The following PDE7A variants were observed in gnomAD, a reference collection of about 807,000 sequenced individuals.
PDE7A encodes the protein phosphodiesterase 7A, also known as high affinity 3',5'-cyclic-AMP phosphodiesterase 7A.
Under a neutral mutation model 64.3 loss-of-function variants are expected in PDE7A, and 39 were observed. The observed-to-expected ratio is 0.61, with a 90% CI of 0.47 to 0.79. PDE7A has a LOEUF of 0.79. Among genes scored for constraint, PDE7A ranks in the 30% least tolerant of loss-of-function variants. The pLI, the probability that PDE7A is intolerant of heterozygous loss-of-function variation, is 0.00. For synonymous variants in PDE7A, 203 were observed against 206.8 expected, an observed-to-expected ratio of 0.98 and a Z score of 0.16; for missense variants, 470 against 582.8, an observed-to-expected ratio of 0.81 and a Z score of 1.99.
intron 3 of PDE7A, among the ~76,000 whole-genome samples, chr8:65,749,109 G>A (rs75079838): frequency 0.038 from 5,819 of 152,182 alleles, 157 homozygotes; most frequent in Non-Finnish European, 0.055. Context: ...TGAAGAGGCG[G>A]GAAGCACCCG....
At chr8:65,743,334 A>G (rs1807524721) in intron 5 of PDE7A, among the ~76,000 whole-genome samples, 1 of 152,210 alleles carries the variant, frequency 6.6e-6, no homozygotes, top group South Asian at 2.1e-4. Context: ...TGTGTAAATG[A>G]TATCAGAGCC....
intron 6 of PDE7A, among the ~76,000 whole-genome samples, chr8:65,737,047 G>A (rs1027981041): frequency 6.6e-6 from 1 of 151,756 alleles, no homozygotes; most frequent in African/African-American, 2.4e-5. Flanking sequence ...AGTTGAGGTT[G>A]CAGTGAGCCA....
intron 3 of PDE7A, among the ~76,000 whole-genome samples, chr8:65,773,272 C>T (rs1477503236): frequency 6.6e-6 from 1 of 152,022 alleles, no homozygotes; most frequent in African/African-American, 2.4e-5. Flanking sequence ...GCATTTTTCT[C>T]TATTAAAAAA....
At chr8:65,767,247 A>C (rs1184487299) in intron 3 of PDE7A, among the ~76,000 whole-genome samples, 1 of 152,218 alleles carries the variant, frequency 6.6e-6, no homozygotes, top group African/African-American at 2.4e-5. Flanking sequence ...TTACGTAAAT[A>C]AATCATCAAT....
chr8:65,822,184 A>T (rs1217617670), intron 1 of PDE7A, among the ~76,000 whole-genome samples: 1 of 152,206 alleles, frequency 6.6e-6, no homozygotes, highest in African/African-American at 2.4e-5. Context: ...ACCTTTGTAA[A>T]GTCTTTAAGG....
intron 3 of PDE7A, among the ~76,000 whole-genome samples, chr8:65,779,195 G>A (rs1563504151): frequency 6.6e-6 from 1 of 152,144 alleles, no homozygotes; most frequent in Non-Finnish European, 1.5e-5. Flanking sequence ...TCCAGAAACA[G>A]ATTTAATATG....
intron 1 of PDE7A, among the ~76,000 whole-genome samples, chr8:65,822,212 C>T (rs1298620358): frequency 2.0e-5 from 3 of 152,206 alleles, no homozygotes; most frequent in Non-Finnish European, 4.4e-5. Context: ...AACCTGCCCC[C>T]TCATTCTGAC....
chr8:65,730,003 C>T (rs375830662), intron 7 of PDE7A, among the ~76,000 whole-genome samples: 17 of 151,978 alleles, frequency 1.1e-4, no homozygotes, highest in African/African-American at 3.9e-4. Context: ...TGGACCGGTA[C>T]TGGTCCATGG....
rs1295965698 is a variant in PDE7A at position 65,730,171 on chromosome 8, C to CTTCTTTTTTTTTTT, written c.697-2871_697-2870insAAAAAAAAAAAGAA. 2.8e-3 allele frequency among the ~76,000 whole-genome samples: 239 copies of CTTCTTTTTTTTTTT among 86,444 alleles called. 44 individuals carry two copies. The highest frequency in any genetic ancestry group is 9.6e-3 in the African/African-American group (202 of 20,934). The allele number at this position is 86,444 out of a possible 152,430, so 56.7% of individuals were successfully genotyped here. A position where few individuals can be genotyped will look rare whatever the true frequency, so the allele number is the denominator to read the frequency against. ...TGTGAGGGATCCAGGTTGCGCACTT[C>CTTCTTTTTTTTTTT]TTTTTTTTTTTTTTTTTTTTTTTTT... On this transcript the variant is annotated intron_variant, in intron 7 of 12. Transcript: ENST00000401827.
At chr8:65,759,270 G>A (rs1256010334) in intron 3 of PDE7A, among the ~76,000 whole-genome samples, 2 of 152,170 alleles carry the variant, frequency 1.3e-5, no homozygotes, top group African/African-American at 2.4e-5. Context: ...TGGGGGTGAG[G>A]GGCTCAGGAC....
At chr8:65,827,156 T>C (rs1810698417) in intron 1 of PDE7A, among the ~76,000 whole-genome samples, 1 of 152,202 alleles carries the variant, frequency 6.6e-6, no homozygotes, top group Non-Finnish European at 1.5e-5. Flanking sequence ...AACACCACAA[T>C]GCATTGCCTT....
At chr8:65,788,852 G>A in intron 1 of PDE7A, 1 of 1,414,696 alleles carries the variant, frequency 7.1e-7, no homozygotes, top group South Asian at 1.2e-5. Context: ...AATGATGAAT[G>A]TCACCATCCT....
intron 1 of PDE7A, among the ~76,000 whole-genome samples, chr8:65,796,823 A>C (rs1809855873): frequency 6.6e-6 from 1 of 152,214 alleles, no homozygotes; most frequent in African/African-American, 2.4e-5. Flanking sequence ...TGAAAGTCAA[A>C]GCCAATAAAT....
chr8:65,741,620 A>C (rs1193219527), intron 5 of PDE7A, among the ~76,000 whole-genome samples: 1 of 152,252 alleles, frequency 6.6e-6, no homozygotes, highest in African/African-American at 2.4e-5. Flanking sequence ...TAAATGTTAA[A>C]ATGTGTTCAG....
At position 65,793,406 on chromosome 8, in the gene PDE7A, T is replaced by A. The variant is rs1208358637; in HGVS notation, c.139-10563A>T. ...GTCAGTATGCTGAATTTCAAAAATT[T>A]AAAAAAAATTGTCTGCATTTTGATA... On this transcript the variant is annotated intron_variant, in intron 1 of 12. Coordinates refer to ENST00000401827, the MANE Select transcript of PDE7A (RefSeq NM_001242318.3). Among the ~76,000 whole-genome samples the A allele has an allele frequency of 6.0e-5, 9 of 151,162 alleles. No individual in the cohort carries two copies. In the South Asian group the frequency reaches 6.3e-4, roughly 11 times the overall value.
intron 2 of PDE7A, chr8:65,780,890 T>G (rs961190934): frequency 2.0e-5 from 3 of 152,262 alleles, no homozygotes; most frequent in Non-Finnish European, 2.9e-5. Context: ...GCTCACTTCA[T>G]CGACTATAAT....
intron 3 of PDE7A, among the ~76,000 whole-genome samples, chr8:65,759,639 T>A (rs986083084): frequency 2.0e-5 from 3 of 152,182 alleles, no homozygotes; most frequent in Non-Finnish European, 4.4e-5. Context: ...TGGGTAGTTG[T>A]TTCAGTGGAG....
intron 1 of PDE7A, among the ~76,000 whole-genome samples, chr8:65,828,868 A>G (rs77759672): frequency 0.057 from 8,732 of 152,058 alleles, 362 homozygotes; most frequent in Middle Eastern, 0.1. Flanking sequence ...TGCTACATTT[A>G]TATTTCTTCT....
At chr8:65,841,347 T>C (rs757049873) in intron 1 of PDE7A, 24 bp downstream of exon 1, 15 of 1,513,804 alleles carry the variant, frequency 9.9e-6, no homozygotes, top group Non-Finnish European at 8.8e-7. Flanking sequence ...AGCCCTCAAG[T>C]GTGGGCCCGG....
Sources: allele counts gnomAD v4.1 joint callset (sites outside exome capture counted in the v4.1 genomes callset), GRCh38; gene constraint gnomAD v4.1.1; transcripts MANE v1.5; gene names NCBI Gene and HGNC (gene_info 2026-07-23, HGNC 2026-07-21).